NONO: variants seen among roughly 807,000 people sequenced by gnomAD.
NONO encodes the protein non-POU domain containing octamer binding, also known as non-POU domain-containing octamer-binding protein.
Under a neutral mutation model 40.2 loss-of-function variants are expected in NONO, and 6 were observed. The ratio of observed to expected loss-of-function variants is 0.15; its 90% CI spans 0.08 to 0.29. The LOEUF is 0.29. NONO is among the 10% of genes least tolerant of loss of function. The probability of loss-of-function intolerance (pLI) is 1.00; values close to 1 mark genes in which losing one functional copy is unlikely to be tolerated. For synonymous variants in NONO, 89 were observed against 123.3 expected, an observed-to-expected ratio of 0.72 and a Z score of 1.85; for missense variants, 133 against 397.8, an observed-to-expected ratio of 0.33 and a Z score of 5.66.
At position 71,300,547 on chromosome X, in the gene NONO, C is replaced by T. The variant is rs754858083; in HGVS notation, c.*471C>T. 5 of 191,958 alleles carry T rather than the reference C, an allele frequency of 2.6e-5. No homozygotes were observed. The highest frequency in any genetic ancestry group is 4.8e-5 in the Non-Finnish European group (5 of 104,478). 15.8% of individuals were successfully genotyped at this position (191,958 alleles called of 1,213,427 possible). The stretch of plus-strand genomic sequence containing the variant: ...GTCCAGGTTGATCTTGAACTCCTGA[C>T]CTCGTGATCTACCCACCTCGGCCTC... On this transcript the variant is annotated 3_prime_UTR_variant, in exon 12 of 12. Transcript: ENST00000276079.
At chrX:71,297,588 GTTCT>G in intron 8 of NONO, 127 bp downstream of exon 8, 3 of 574,646 alleles carry the variant, frequency 5.2e-6, no homozygotes, top group East Asian at 7.2e-5. Context: ...TGCTTCTCAG[GTTCT>G]TTCTTTGGAT....
chrX:71,291,406 T>G (rs1014457401), intron 3 of NONO, among the ~76,000 whole-genome samples: 8 of 92,572 alleles, frequency 8.6e-5, no homozygotes, highest in Admixed American at 2.2e-4. Context: ...TTGTTTTTTG[T>G]TTTTTTTTTT....
rs1326797365 is a variant in NONO, at chrX:71,296,554, C to G, written c.651-11C>G. 1.7e-6 allele frequency: 2 copies of G among 1,173,190 alleles called. No homozygotes were observed. Among genetic ancestry groups the G allele is most frequent in the South Asian group, 3.7e-5 (2 of 53,623 alleles). ...GATTTGATTAACACTGAACTTTGTTCTTTCTTCCAGATTTCCTCGTCCTGT... is the reference window on the plus strand; with the variant it reads ...GATTTGATTAACACTGAACTTTGTTGTTTCTTCCAGATTTCCTCGTCCTGT... On this transcript the variant is annotated splice_polypyrimidine_tract_variant and intron_variant, in intron 5 of 11. Coordinates refer to ENST00000276079, the MANE Select transcript of NONO (RefSeq NM_007363.5).
rs1215547542 is a variant in NONO, at chrX:71,284,392, AAC to A, written c.-66-3_-66-2del. On this transcript the variant is annotated splice_region_variant and splice_polypyrimidine_tract_variant and intron_variant, in intron 1 of 11. Coordinates refer to ENST00000276079, the MANE Select transcript of NONO (RefSeq NM_007363.5). ...ACCTGACACGTTTCTTTGTGTTTTT[AAC>A]AGAGAAGTCGAGGTTAGAGGGAACT... is the stretch of plus-strand genomic sequence containing the variant. 8.9e-6 allele frequency: 1 copy of A among 111,955 alleles called. No individual in the cohort carries two copies. Among genetic ancestry groups the A allele is most frequent in the Non-Finnish European group, 1.9e-5 (1 of 53,227 alleles). The allele number at this position is 111,955 out of a possible 1,213,427, so 9.2% of individuals were successfully genotyped here.
intron 9 of NONO, chrX:71,298,158 G>A: frequency 9.2e-6 from 4 of 434,237 alleles, no homozygotes; most frequent in Non-Finnish European, 1.6e-5. Flanking sequence ...TTTAGACTCA[G>A]TGACTATAGG....
rs966847689 is a variant in NONO at position 71,300,446 on chromosome X, T to G, written c.*370T>G. 3.9e-5 allele frequency: 10 copies of G among 258,610 alleles called. No homozygotes were observed. The highest frequency in any genetic ancestry group is 3.0e-4 in the African/African-American group (10 of 33,216). 21.3% of individuals were successfully genotyped at this position (258,610 alleles called of 1,213,427 possible). On this transcript the variant is annotated 3_prime_UTR_variant, in exon 12 of 12. Transcript: ENST00000276079. ...CTTGCCCCGCCCCCGAGACGGAGTC[T>G]TACTCTGTCGCCCAGGCTGGAGTGT...
At chrX:71,296,477 A>G in intron 5 of NONO, 88 bp from the exon 6 acceptor site, 1 of 623,475 alleles carries the variant, frequency 1.6e-6, no homozygotes, top group East Asian at 3.6e-5. Context: ...CCTGAGCCCT[A>G]GCTAATTCAT....
chrX:71,296,902 A>C lies in NONO; in HGVS notation c.798A>C (p.Glu266Asp). ...RFAQPGSFEY[E>D]YAMRWKALIE... ...CACAGCCTGGCTCCTTTGAGTATGA[A>C]TATGCCATGCGCTGGAAGGCACTCA... Residue 266 changes from glutamate to aspartate, a missense_variant, in exon 7 of 12, where the codon GAA (glutamate) becomes GAC (aspartate). By Grantham distance (45) the Glu-to-Asp change is conservative. This residue lies in a region of NONO where 32 missense variants were observed against 206.0 expected (regional missense o/e 0.16). Coordinates refer to ENST00000276079, the MANE Select transcript of NONO (RefSeq NM_007363.5). 34 of 1,210,925 alleles carry C rather than the reference A, an allele frequency of 2.8e-5. 1 individual carries two copies. Among genetic ancestry groups the C allele is most frequent in the Non-Finnish European group, 3.8e-5 (34 of 895,205 alleles).
At chrX:71,288,135 T>TC in intron 2 of NONO, among the ~76,000 whole-genome samples, 1 of 93,359 alleles carries the variant, frequency 1.1e-5, no homozygotes, top group East Asian at 3.3e-4. Context: ...TTTTTTTTTT[T>TC]TTTTTCTTGA....
At chrX:71,295,282 C>T (rs374941714) in intron 5 of NONO, among the ~76,000 whole-genome samples, 1 of 106,831 alleles carries the variant, frequency 9.4e-6, no homozygotes, top group Non-Finnish European at 1.9e-5. Context: ...GTCAGGAGAT[C>T]GAGACCATCC....
At chrX:71,284,624 T>TG (rs547628213) in intron 2 of NONO, among the ~76,000 whole-genome samples, 171 bp downstream of exon 2, 1 of 111,898 alleles carries the variant, frequency 8.9e-6, no homozygotes, top group Non-Finnish European at 1.9e-5. Context: ...GCAACTCTAG[T>TG]GGGGGGGCCC....
At chrX:71,298,282 C>T in intron 9 of NONO, 187 bp from the exon 10 acceptor site, 1 of 470,444 alleles carries the variant, frequency 2.1e-6, no homozygotes, top group Non-Finnish European at 3.8e-6. Flanking sequence ...GAGGCTCTGG[C>T]TTACGTCCTA....
chrX:71,292,078 C>T (rs1307229665), intron 4 of NONO, 106 bp downstream of exon 4: 19 of 524,622 alleles, frequency 3.6e-5, no homozygotes, highest in Non-Finnish European at 4.7e-5. Context: ...ATGATGTGTT[C>T]CTTGAAAGCT....
chrX:71,300,239 G>T lies in NONO; in HGVS notation c.*163G>T. The T allele has an allele frequency of 1.8e-6, 1 of 562,587 alleles. No homozygotes were observed. Among genetic ancestry groups the T allele is most frequent in the Non-Finnish European group, 2.9e-6 (1 of 345,367 alleles). 46.4% of individuals were successfully genotyped at this position (562,587 alleles called of 1,213,427 possible). ...GCTGGAGGCAGAGGGCAAGGGAGGG[G>T]TGGTATTAAACAAGTCAATTCTGTG... is the stretch of plus-strand genomic sequence containing the variant. On this transcript the variant is annotated 3_prime_UTR_variant, in exon 12 of 12. Transcript: ENST00000276079.
chrX:71,288,027 T>C (rs925405632), intron 2 of NONO, among the ~76,000 whole-genome samples: 1 of 103,969 alleles, frequency 9.6e-6, no homozygotes, highest in African/African-American at 3.6e-5. Flanking sequence ...TTTTTTTTTT[T>C]ATTTCAACGT....
chrX:71,287,332 C>T (rs1300531470), intron 2 of NONO, among the ~76,000 whole-genome samples: 1 of 110,494 alleles, frequency 9.1e-6, no homozygotes, highest in Non-Finnish European at 1.9e-5. Flanking sequence ...CCACCCTCCT[C>T]GGCCTCCCAA....
chrX:71,295,137 A>G (rs1364188853), intron 5 of NONO, among the ~76,000 whole-genome samples: 1 of 105,173 alleles, frequency 9.5e-6, no homozygotes, highest in African/African-American at 3.5e-5. Context: ...CAGGAGAATC[A>G]CTTGAACCTG....
intron 2 of NONO, among the ~76,000 whole-genome samples, chrX:71,290,106 C>G (rs774507792): frequency 9.0e-6 from 1 of 110,777 alleles, no homozygotes; most frequent in East Asian, 2.9e-4. Context: ...AGATGGGGGT[C>G]TCACGGTGTT....
chrX:71,283,963 C>G (rs1281266737), intron 1 of NONO: 1 of 112,065 alleles, frequency 8.9e-6, no homozygotes, highest in Non-Finnish European at 1.9e-5. Context: ...CTTTGTGCAA[C>G]TCATCTCCGA....
Sources: allele counts gnomAD v4.1 joint callset (sites outside exome capture counted in the v4.1 genomes callset), GRCh38; gene constraint gnomAD v4.1.1; regional missense constraint gnomAD v4.1.1; transcripts MANE v1.5; gene names NCBI Gene and HGNC (gene_info 2026-07-23, HGNC 2026-07-21).